MGAM2: variants seen among roughly 807,000 people sequenced by gnomAD.
MGAM2 encodes probable maltase-glucoamylase 2.
MGAM2 carries 98 observed loss-of-function variants against 96.1 expected under a neutral mutation model. That is an observed-to-expected ratio of 1.02 (90% CI 0.87 to 1.21). The LOEUF (loss-of-function observed/expected upper bound fraction) is 1.21. Ranked by LOEUF, MGAM2 falls within the 50% of genes most tolerant of loss-of-function variation. The probability of loss-of-function intolerance (pLI) is 0.00; values close to 1 mark genes in which losing one functional copy is unlikely to be tolerated. For missense variants in MGAM2, 2,055 were observed against 1,182.4 expected, an observed-to-expected ratio of 1.74 and a Z score of -10.82; for synonymous variants, 749 against 414.8, an observed-to-expected ratio of 1.81 and a Z score of -9.79.
intron 35 of MGAM2, among the ~76,000 whole-genome samples, chr7:142,186,936 A>T (rs1012386590): frequency 2.7e-5 from 4 of 150,618 alleles, no homozygotes; most frequent in African/African-American, 9.8e-5. Context: ...AGAATAAGAG[A>T]TGCTGATAGC....
intron 12 of MGAM2, among the ~76,000 whole-genome samples, chr7:142,142,838 A>G (rs1401262479): frequency 6.6e-6 from 1 of 152,110 alleles, no homozygotes; most frequent in Non-Finnish European, 1.5e-5. Flanking sequence ...GTGAGCCACC[A>G]TGCCAGTCCA....
At chr7:142,208,943 G>T (rs1797494227) in intron 46 of MGAM2, among the ~76,000 whole-genome samples, 1 of 152,284 alleles carries the variant, frequency 6.6e-6, no homozygotes, top group African/African-American at 2.4e-5. Flanking sequence ...TGCTATATAA[G>T]CTACTTATTA....
intron 32 of MGAM2, among the ~76,000 whole-genome samples, chr7:142,181,345 T>C (rs1331935904): frequency 6.6e-6 from 1 of 152,214 alleles, no homozygotes; most frequent in African/African-American, 2.4e-5. Flanking sequence ...GCTGAATTCC[T>C]GCATTGGGTT....
rs935772651 is a variant in MGAM2 at position 142,167,422 on chromosome 7, C to T, written c.2963C>T (p.Ser988Phe). ...SAAAAASDSL[S>F]AKISFLHLKV... ...GCTGCTGCCGCCTCTGATTCTCTCT[C>T]TGCAAAGATCAGCTTCCTCCACCTG... The change falls in exon 26 of 48, where the codon TCT becomes TTT. Residue 988 changes from serine (S) to phenylalanine (F), a missense_variant. By Grantham distance (155) the Ser-to-Phe change is radical. Coordinates refer to ENST00000477922, the MANE Select transcript of MGAM2 (RefSeq NM_001293626.2). The T allele has an allele frequency of 7.1e-6, 5 of 702,916 alleles. No individual in the cohort carries two copies. Among genetic ancestry groups the T allele is most frequent in the African/African-American group, 1.7e-5 (1 of 57,272 alleles). The allele number at this position is 702,916 out of a possible 1,614,324, so 43.5% of individuals were successfully genotyped here. A position where few individuals can be genotyped will look rare whatever the true frequency, so the allele number is the denominator to read the frequency against.
chr7:142,164,877 A>G lies in MGAM2; in HGVS notation c.2506A>G (p.Ile836Val), dbSNP rs766739566. The change falls in exon 24 of 48, where the codon ATA (isoleucine) becomes GTA (valine). Residue 836 changes from isoleucine (I) to valine (V), a missense_variant. By Grantham distance (29) the Ile-to-Val change is conservative. Coordinates refer to ENST00000477922, the MANE Select transcript of MGAM2 (RefSeq NM_001293626.2). ...VTSNHLQAKI[I>V]NNNYMDTDNL... The stretch of plus-strand genomic sequence containing the variant: ...CCAGAACCATCTACAAGCAAAGATT[A>G]TAAATAATAATTATATGGACACTGA... The G allele has an allele frequency of 1.6e-5, 11 of 699,224 alleles. No individual in the cohort carries two copies. In the South Asian group the frequency reaches 1.7e-4, roughly 11 times the overall value. The allele number at this position is 699,224 out of a possible 1,614,324, so 43.3% of individuals were successfully genotyped here.
At position 142,172,113 on chromosome 7, in the gene MGAM2, T is replaced by G. The variant is rs757914750; in HGVS notation, c.3367T>G (p.Tyr1123Asp). ...DEPPAYKKNS[Y>D]GVHPYYMALE... Reference sequence around the variant, plus strand: ...TGACTCCCAGTACAAGAAGAATTCCTATGGTGTCCACCCTTACTACATGGC... The same window carrying G: ...TGACTCCCAGTACAAGAAGAATTCCGATGGTGTCCACCCTTACTACATGGC... Residue 1123 changes from tyrosine (Y) to aspartate (D), a missense_variant, in exon 29 of 48, where the codon TAT becomes GAT. By Grantham distance (160) the Tyr-to-Asp change is radical. Coordinates refer to ENST00000477922, the MANE Select transcript of MGAM2 (RefSeq NM_001293626.2). The G allele has an allele frequency of 1.4e-6, 1 of 733,122 alleles. No individual in the cohort carries two copies. Among genetic ancestry groups the G allele is most frequent in the South Asian group, 1.5e-5 (1 of 68,840 alleles). 45.4% of individuals were successfully genotyped at this position (733,122 alleles called of 1,614,324 possible). A position where few individuals can be genotyped will look rare whatever the true frequency, so the allele number is the denominator to read the frequency against.
Position 142,196,831 on chromosome 7 carries a change from C to A in MGAM2, c.4632+15C>A, listed in dbSNP as rs779471171. On this transcript the variant is annotated intron_variant, in intron 40 of 47. Transcript: ENST00000477922. ...TCGGGACAAGGGTGAGGCAGTAGTT[C>A]GTGCTCCAGGTGTTGTGTACCCTCA... is the stretch of plus-strand genomic sequence containing the variant. 3 of 770,786 alleles carry A rather than the reference C, an allele frequency of 3.9e-6. No homozygotes were observed. Among genetic ancestry groups the A allele is most frequent in the Non-Finnish European group, 7.2e-6 (3 of 414,332 alleles). The allele number at this position is 770,786 out of a possible 1,614,324, so 47.7% of individuals were successfully genotyped here.
chr7:142,220,633 C>T lies in MGAM2; in HGVS notation c.6122C>T (p.Thr2041Ile), dbSNP rs1290274294. 1 of 702,378 alleles carries T rather than the reference C, an allele frequency of 1.4e-6. No homozygotes were observed. The highest frequency in any genetic ancestry group is 2.7e-5 in the East Asian group (1 of 37,258). The allele number at this position is 702,378 out of a possible 1,614,324, so 43.5% of individuals were successfully genotyped here. The change falls in exon 48 of 48, where the codon ACA becomes ATA. Residue 2041 changes from threonine to isoleucine, a missense_variant. Thr to Ile is a moderately conservative substitution (Grantham distance 89, BLOSUM62 -1). Transcript: ENST00000477922. The stretch of plus-strand genomic sequence containing the variant: ...ACAACTGGTACTACTGTTCCTGATA[C>T]AACTGCTCCTTTCCCTACAAGTACT... ...GVTTGTTVPD[T>I]TAPFPTSTTS...
intron 1 of MGAM2, among the ~76,000 whole-genome samples, chr7:142,113,374 C>A (rs369260187): frequency 6.6e-6 from 1 of 152,028 alleles, no homozygotes; most frequent in African/African-American, 2.4e-5. Flanking sequence ...ATTCAGAGAT[C>A]CATTAAAGGC....
At chr7:142,119,300 G>C (rs1205298504) in intron 2 of MGAM2, among the ~76,000 whole-genome samples, 3 of 152,084 alleles carry the variant, frequency 2.0e-5, no homozygotes. Flanking sequence ...TCTATAAATG[G>C]CCACTAAACC....
In MGAM2 at chr7:142,149,716, AT is replaced by A. The variant is rs368416606; in HGVS notation, c.1634+2149del. ...CCACCACGCCCGGCTAATTGTTTGT[AT>A]TTTTTAGTAGAGACGGGGTTTCACA... On this transcript the variant is annotated intron_variant, in intron 15 of 47. Transcript: ENST00000477922. Among the ~76,000 whole-genome samples the A allele has an allele frequency of 1.7e-3, 262 of 149,974 alleles. 1 individual carries two copies. Among genetic ancestry groups the A allele is most frequent in the African/African-American group, 3.4e-3 (140 of 40,786 alleles).
intron 3 of MGAM2, among the ~76,000 whole-genome samples, chr7:142,129,599 TG>T (rs1323147313): frequency 1.3e-5 from 2 of 151,528 alleles, no homozygotes; most frequent in African/African-American, 2.4e-5. Flanking sequence ...CTGAGGTGGG[TG>T]GATCACCTGA....
intron 31 of MGAM2, among the ~76,000 whole-genome samples, chr7:142,174,958 A>G (rs1377992488): frequency 6.6e-6 from 1 of 151,944 alleles, no homozygotes; most frequent in Non-Finnish European, 1.5e-5. Flanking sequence ...ATCTCAGGTG[A>G]TCCACCTGCC....
At chr7:142,149,235 A>AAAT (rs1352292766) in intron 15 of MGAM2, among the ~76,000 whole-genome samples, 5 of 151,352 alleles carry the variant, frequency 3.3e-5, no homozygotes, top group Non-Finnish European at 7.4e-5. Context: ...GTCTCAAAAA[A>AAAT]AAAATAAAAA....
At chr7:142,173,459 T>C in intron 31 of MGAM2, 105 bp downstream of exon 31, 1 of 608,464 alleles carries the variant, frequency 1.6e-6, no homozygotes, top group Non-Finnish European at 3.0e-6. Context: ...ACTTGATACA[T>C]TCAGGCTGAA....
chr7:142,156,688 G>A, intron 17 of MGAM2, among the ~76,000 whole-genome samples: 1 of 152,042 alleles, frequency 6.6e-6, no homozygotes, highest in East Asian at 1.9e-4. Context: ...GAGTTTTCAT[G>A]AGCCCTACAC....
chr7:142,133,594 G>A lies in MGAM2; in HGVS notation c.576-387G>A, dbSNP rs561640906. On this transcript the variant is annotated intron_variant, in intron 6 of 47. Coordinates refer to ENST00000477922, the MANE Select transcript of MGAM2 (RefSeq NM_001293626.2). ...CAACAGTCAGCTGTGTTATATATCAGGCAAAATACCTATCCTCAACAGTAT... is the reference window on the plus strand; with the variant it reads ...CAACAGTCAGCTGTGTTATATATCAAGCAAAATACCTATCCTCAACAGTAT... Among the ~76,000 whole-genome samples the A allele has an allele frequency of 1.9e-3, 282 of 152,080 alleles. 3 individuals carry two copies. The highest frequency in any genetic ancestry group is 2.0e-3 in the Non-Finnish European group (134 of 67,984).
Position 142,164,929 on chromosome 7 carries a change from T to C in MGAM2, c.2558T>C (p.Ile853Thr). 2 of 702,768 alleles carry C rather than the reference T, an allele frequency of 2.8e-6. No individual in the cohort carries two copies. Among genetic ancestry groups the C allele is most frequent in the Non-Finnish European group, 5.2e-6 (2 of 384,924 alleles). The allele number at this position is 702,768 out of a possible 1,614,324, so 43.5% of individuals were successfully genotyped here. A position where few individuals can be genotyped will look rare whatever the true frequency, so the allele number is the denominator to read the frequency against. The part of the protein sequence containing the change: ...TDNLMFTDIT[I>T]LGMDKQPANF... ...AACCTCATGTTCACAGATATCACAA[T>C]CTTGGGAATGGACAAACAGCCAGCT... The change falls in exon 24 of 48, where the codon ATC becomes ACC. Residue 853 changes from isoleucine (I) to threonine (T), a missense_variant. Transcript: ENST00000477922.
intron 46 of MGAM2, among the ~76,000 whole-genome samples, chr7:142,210,259 CTGAG>C (rs1470246513): frequency 1.3e-5 from 2 of 151,934 alleles, no homozygotes; most frequent in Non-Finnish European, 2.9e-5. Flanking sequence ...AAGCACAAAA[CTGAG>C]TGGCCGTTTG....
Sources: allele counts gnomAD v4.1 joint callset (sites outside exome capture counted in the v4.1 genomes callset), GRCh38; gene constraint gnomAD v4.1.1; transcripts MANE v1.5; gene names NCBI Gene and HGNC (gene_info 2026-07-23, HGNC 2026-07-21).